The following DYNC1LI2 variants were observed in gnomAD, a reference collection of about 807,000 sequenced individuals.
The protein encoded by DYNC1LI2 is cytoplasmic dynein 1 light intermediate chain 2.
DYNC1LI2 carries 19 observed loss-of-function variants against 57.8 expected under a neutral mutation model. That is an observed-to-expected ratio of 0.33 (90% confidence interval 0.23 to 0.48). The LOEUF (loss-of-function observed/expected upper bound fraction) is 0.48. DYNC1LI2 is among the 20% of genes least tolerant of loss of function. The pLI is 0.99. For synonymous variants in DYNC1LI2, 256 were observed against 233.4 expected (o/e 1.10, Z -0.88); for missense variants, 470 against 604.2 (o/e 0.78, Z 2.33).
intron 3 of DYNC1LI2, among the ~76,000 whole-genome samples, chr16:66,745,987 C>T (rs992398242): frequency 1.3e-5 from 2 of 151,642 alleles, no homozygotes; most frequent in Non-Finnish European, 3.0e-5. Context: ...AAAAACCTAT[C>T]TTTTATTAAC....
chr16:66,743,952 G>C (rs2017888873), intron 3 of DYNC1LI2, among the ~76,000 whole-genome samples: 1 of 152,134 alleles, frequency 6.6e-6, no homozygotes, highest in Non-Finnish European at 1.5e-5. Context: ...CCTTATGGCA[G>C]TATACATAGA....
Position 66,722,896 on chromosome 16 carries a change from G to A in DYNC1LI2, c.*826C>T, listed in dbSNP as rs1462836185. ...AGCTATTTAGACAACAAAATTCAAA[G>A]TAAACTAATTCTGTAACTGCTGACT... On this transcript the variant is annotated 3_prime_UTR_variant, in exon 13 of 13. Transcript: ENST00000258198. 1 of 153,782 alleles carries A rather than the reference G, an allele frequency of 6.5e-6. No homozygotes were observed. Among genetic ancestry groups the A allele is most frequent in the Non-Finnish European group, 1.4e-5 (1 of 68,988 alleles). The allele number at this position is 153,782 out of a possible 1,614,324, so 9.5% of individuals were successfully genotyped here. A position where few individuals can be genotyped will look rare whatever the true frequency, so the allele number is the denominator to read the frequency against.
At position 66,720,989 on chromosome 16, in the gene DYNC1LI2, GC is replaced by G. The variant is rs2017442917; in HGVS notation, c.*2732del. 6.6e-6 allele frequency: 1 copy of G among 152,578 alleles called. No individual in the cohort carries two copies. Among genetic ancestry groups the G allele is most frequent in the South Asian group, 2.1e-4 (1 of 4,824 alleles). The allele number at this position is 152,578 out of a possible 1,614,324, so 9.5% of individuals were successfully genotyped here. The stretch of plus-strand genomic sequence containing the variant: ...GCAAGGTTCCACATGACTGCATACT[GC>G]ACCCGGACAGAGCCACACCCCTGGA... On this transcript the variant is annotated 3_prime_UTR_variant, in exon 13 of 13. Coordinates refer to ENST00000258198, the MANE Select transcript of DYNC1LI2 (RefSeq NM_006141.3).
Position 66,749,273 on chromosome 16 carries a change from T to C in DYNC1LI2, c.222A>G (p.Leu74=), listed in dbSNP as rs774047536. The C allele has an allele frequency of 3.8e-5, 62 of 1,614,120 alleles. No homozygotes were observed. The highest frequency in any genetic ancestry group is 3.1e-5 in the Non-Finnish European group (36 of 1,180,038). ...CTTTTTTGCCATGCTCAGCTCCTTG[T>C]AGTTTAGTCATGAGGGTTGTTTTAC... ...GSGKTTLMTK[L]QGAEHGKKGR... Residue 74 remains leucine, a synonymous_variant, in exon 3 of 13, where the codon CTA becomes CTG. Coordinates refer to ENST00000258198, the MANE Select transcript of DYNC1LI2 (RefSeq NM_006141.3).
At position 66,722,510 on chromosome 16, in the gene DYNC1LI2, C is replaced by T. The variant is rs1183041713; in HGVS notation, c.*1212G>A. On this transcript the variant is annotated 3_prime_UTR_variant, in exon 13 of 13. Coordinates refer to ENST00000258198, the MANE Select transcript of DYNC1LI2 (RefSeq NM_006141.3). ...CCTAGGTGGGGAGACACCTGAAACTCTTATTTCCATAAGAAAAAAAATGCT... is the reference window on the plus strand; with the variant it reads ...CCTAGGTGGGGAGACACCTGAAACTTTTATTTCCATAAGAAAAAAAATGCT... 1 of 152,586 alleles carries T rather than the reference C, an allele frequency of 6.6e-6. No homozygotes were observed. The highest frequency in any genetic ancestry group is 1.5e-5 in the Non-Finnish European group (1 of 68,042). 9.5% of individuals were successfully genotyped at this position (152,586 alleles called of 1,614,324 possible). A position where few individuals can be genotyped will look rare whatever the true frequency, so the allele number is the denominator to read the frequency against.
intron 4 of DYNC1LI2, among the ~76,000 whole-genome samples, chr16:66,740,846 CAACT>C (rs947827047): frequency 6.6e-5 from 10 of 152,206 alleles, no homozygotes; most frequent in Admixed American, 3.3e-4. Flanking sequence ...TTCCAGTCCT[CAACT>C]ACCTACACCT....
At chr16:66,734,577 G>A (rs1293854139) in intron 5 of DYNC1LI2, among the ~76,000 whole-genome samples, 1 of 151,922 alleles carries the variant, frequency 6.6e-6, no homozygotes. Context: ...CTCCCATCAG[G>A]AGGCAGGCCC....
At chr16:66,725,169 C>A (rs1229015167) in intron 12 of DYNC1LI2, among the ~76,000 whole-genome samples, 1 of 126,594 alleles carries the variant, frequency 7.9e-6, no homozygotes, top group Non-Finnish European at 1.6e-5. Flanking sequence ...AGCAAGACTC[C>A]ATCTCTATCA....
At chr16:66,743,334 C>T (rs1426080156) in intron 3 of DYNC1LI2, among the ~76,000 whole-genome samples, 7 of 151,966 alleles carry the variant, frequency 4.6e-5, no homozygotes, top group African/African-American at 9.6e-5. Flanking sequence ...GAGGCTGAGG[C>T]GAACTGATCA....
chr16:66,723,010 C>T lies in DYNC1LI2; in HGVS notation c.*712G>A, dbSNP rs2017474705. 3.6e-6 allele frequency: 1 copy of T among 279,538 alleles called. No individual in the cohort carries two copies. The highest frequency in any genetic ancestry group is 4.5e-5 in the Admixed American group (1 of 22,314). The allele number at this position is 279,538 out of a possible 1,614,324, so 17.3% of individuals were successfully genotyped here. A position where few individuals can be genotyped will look rare whatever the true frequency, so the allele number is the denominator to read the frequency against. On this transcript the variant is annotated 3_prime_UTR_variant, in exon 13 of 13. Coordinates refer to ENST00000258198, the MANE Select transcript of DYNC1LI2 (RefSeq NM_006141.3). Reference sequence around the variant, plus strand: ...ACGAGGACATAGCCTGGGCCAAGCACATGGGTCCTGGGCAGCTGCCATCGT... The same window carrying T: ...ACGAGGACATAGCCTGGGCCAAGCATATGGGTCCTGGGCAGCTGCCATCGT...
chr16:66,741,133 C>T (rs1373583610), intron 4 of DYNC1LI2, among the ~76,000 whole-genome samples: 1 of 152,178 alleles, frequency 6.6e-6, no homozygotes, highest in Non-Finnish European at 1.5e-5. Context: ...CTCAATCTCT[C>T]TCTTTTCTGT....
At chr16:66,744,033 C>G (rs2017891352) in intron 3 of DYNC1LI2, among the ~76,000 whole-genome samples, 1 of 152,016 alleles carries the variant, frequency 6.6e-6, no homozygotes, top group Non-Finnish European at 1.5e-5. Context: ...AGTAAAAGTA[C>G]AGTTGAAATA....
rs1567448186 is a variant in DYNC1LI2, at chr16:66,727,748, C to A, written c.1201G>T (p.Ala401Ser). 2 of 1,614,128 alleles carry A rather than the reference C, an allele frequency of 1.2e-6. No individual in the cohort carries two copies. The highest frequency in any genetic ancestry group is 1.1e-5 in the South Asian group (1 of 91,082). ...SPRTQGRGGP[A>S]SVPSSSPGTS... ...CCTGGGGAGGAGCTAGGCACACTGG[C>A]TGGCCCTCCCCGACCCTGGGTCCTT... Residue 401 changes from alanine (A) to serine (S), a missense_variant, in exon 11 of 13, where the codon GCC (alanine) becomes TCC (serine). Coordinates refer to ENST00000258198, the MANE Select transcript of DYNC1LI2 (RefSeq NM_006141.3).
chr16:66,729,363 CAG>C (rs2144972819), intron 8 of DYNC1LI2, among the ~76,000 whole-genome samples: 1 of 152,252 alleles, frequency 6.6e-6, no homozygotes, highest in Admixed American at 6.5e-5. Flanking sequence ...GATCCAGTAA[CAG>C]TAATCCAGAG....
chr16:66,743,689 T>C (rs1360605563), intron 3 of DYNC1LI2, among the ~76,000 whole-genome samples: 1 of 152,110 alleles, frequency 6.6e-6, no homozygotes, highest in Non-Finnish European at 1.5e-5. Context: ...CAGCAATCAG[T>C]GAAGCAGTGA....
intron 8 of DYNC1LI2, among the ~76,000 whole-genome samples, chr16:66,729,733 G>A (rs746545192): frequency 8.0e-5 from 12 of 150,794 alleles, no homozygotes; most frequent in Admixed American, 6.0e-4. Context: ...CAGCCACCAC[G>A]CCCCATCTTT....
intron 3 of DYNC1LI2, among the ~76,000 whole-genome samples, chr16:66,744,264 C>A (rs1416022066): frequency 6.6e-6 from 1 of 152,082 alleles, no homozygotes; most frequent in Non-Finnish European, 1.5e-5. Flanking sequence ...ATTGCCCAAG[C>A]TGGTCTCAAA....
At chr16:66,748,858 C>T (rs2017987525) in intron 3 of DYNC1LI2, among the ~76,000 whole-genome samples, 1 of 152,200 alleles carries the variant, frequency 6.6e-6, no homozygotes, top group African/African-American at 2.4e-5. Context: ...ACAATGGTCC[C>T]CAGGACAGCC....
intron 4 of DYNC1LI2, among the ~76,000 whole-genome samples, chr16:66,741,512 G>A (rs1392284748): frequency 2.6e-5 from 4 of 152,174 alleles, no homozygotes; most frequent in Non-Finnish European, 4.4e-5. Flanking sequence ...AACACACTGC[G>A]AGAAACTTGA....
Sources: allele counts gnomAD v4.1 joint callset (sites outside exome capture counted in the v4.1 genomes callset), GRCh38; gene constraint gnomAD v4.1.1; transcripts MANE v1.5; gene names NCBI Gene and HGNC (gene_info 2026-07-23, HGNC 2026-07-21).